Variants in PRR16 observed in about 807,000 individuals in gnomAD.
PRR16 encodes protein Largen.
In PRR16, 6 loss-of-function variants were observed where a neutral mutation model predicts 18.2. The observed-to-expected ratio is 0.33, with a 90% CI of 0.18 to 0.65. The LOEUF is 0.65. PRR16 is among the 30% of genes least tolerant of loss of function. The pLI is 0.74. For synonymous variants in PRR16, 151 were observed against 147.8 expected (o/e 1.02, Z -0.16); for missense variants, 412 against 376.6 (o/e 1.09, Z -0.78).
the PRR16 span, among the ~76,000 whole-genome samples, chr5:120,716,935 G>GGAGT: frequency 5.3e-5 from 8 of 152,090 alleles, no homozygotes. Flanking sequence ...GTAGAATGCA[G>GGAGT]GAGTGAGTGA....
chr5:120,581,585 T>C (rs900481203), intron 1 of PRR16, among the ~76,000 whole-genome samples: 4 of 152,198 alleles, frequency 2.6e-5, no homozygotes, highest in Admixed American at 6.5e-5. Flanking sequence ...TGCTCTTGCC[T>C]CTCTGGCTCT....
Position 120,464,480 on chromosome 5 carries a change from C to G in PRR16, c.-7C>G, listed in dbSNP as rs1383738432. The G allele has an allele frequency of 6.3e-7, 1 of 1,584,398 alleles. No individual in the cohort carries two copies. Among genetic ancestry groups the G allele is most frequent in the East Asian group, 2.3e-5 (1 of 44,230 alleles). On this transcript the variant is annotated 5_prime_UTR_variant, in exon 1 of 2. Coordinates refer to ENST00000407149, the MANE Select transcript of PRR16 (RefSeq NM_001300783.2). Reference sequence around the variant, plus strand: ...CTGTCCTGACCTGCCTCGCTTGCCCCCAAAGAATGTCAGCCAAGTCCAAGG... The same window carrying G: ...CTGTCCTGACCTGCCTCGCTTGCCCGCAAAGAATGTCAGCCAAGTCCAAGG...
At chr5:120,641,864 C>A in intron 1 of PRR16, among the ~76,000 whole-genome samples, 1 of 152,058 alleles carries the variant, frequency 6.6e-6, no homozygotes, top group East Asian at 1.9e-4. Context: ...ATCTGGATGT[C>A]CTTAGGACTT....
intron 1 of PRR16, among the ~76,000 whole-genome samples, chr5:120,492,022 A>C (rs933401861): frequency 6.6e-6 from 1 of 152,096 alleles, no homozygotes; most frequent in Admixed American, 6.6e-5. Context: ...TACAAAATGT[A>C]AATAGGGTTT....
chr5:120,566,344 C>T (rs999252800), intron 1 of PRR16, among the ~76,000 whole-genome samples: 1 of 152,176 alleles, frequency 6.6e-6, no homozygotes, highest in African/African-American at 2.4e-5. Context: ...CTGTGGTTTT[C>T]TGTTACAGCA....
chr5:120,491,644 A>G (rs1226354917), intron 1 of PRR16, among the ~76,000 whole-genome samples: 2 of 151,970 alleles, frequency 1.3e-5, no homozygotes, highest in Non-Finnish European at 2.9e-5. Context: ...CTCAGGTTCA[A>G]GCGATTCTCC....
Position 120,686,507 on chromosome 5 carries a change from T to C in PRR16, c.713T>C (p.Val238Ala). ...NREVHLHSEP[V>A]HPPGKIPHQG... is the part of the protein sequence containing the mutation. The stretch of plus-strand genomic sequence containing the variant: ...GAGGTCCACTTACACAGTGAACCTG[T>C]CCACCCACCGGGAAAGATTCCTCAC... Residue 238 changes from valine to alanine, a missense_variant, in exon 2 of 2, where the codon GTC (valine) becomes GCC (alanine). Coordinates refer to ENST00000407149, the MANE Select transcript of PRR16 (RefSeq NM_001300783.2). 6.2e-7 allele frequency: 1 copy of C among 1,613,832 alleles called. No individual in the cohort carries two copies. Among genetic ancestry groups the C allele is most frequent in the South Asian group, 1.1e-5 (1 of 91,062 alleles).
chr5:120,573,814 T>C (rs888970861), intron 1 of PRR16, among the ~76,000 whole-genome samples: 4 of 152,106 alleles, frequency 2.6e-5, no homozygotes, highest in African/African-American at 7.2e-5. Context: ...TTGACCTTAA[T>C]TTTTGAACCT....
intron 1 of PRR16, among the ~76,000 whole-genome samples, chr5:120,634,292 A>C (rs1004946565): frequency 6.6e-6 from 1 of 152,190 alleles, no homozygotes; most frequent in Non-Finnish European, 1.5e-5. Context: ...AAAACCTCTG[A>C]GATATAGCAA....
At chr5:120,735,625 G>A in the PRR16 span, among the ~76,000 whole-genome samples, 1 of 151,778 alleles carries the variant, frequency 6.6e-6, no homozygotes, top group Admixed American at 6.6e-5. Flanking sequence ...TTGGAGAAAT[G>A]ACTATTCAAG....
intron 1 of PRR16, among the ~76,000 whole-genome samples, chr5:120,536,629 A>G (rs1751725718): frequency 6.6e-6 from 1 of 152,178 alleles, no homozygotes; most frequent in Non-Finnish European, 1.5e-5. Flanking sequence ...AAAAGGTGTG[A>G]TATATGTTTA....
At chr5:120,498,911 T>G (rs1750350035) in intron 1 of PRR16, among the ~76,000 whole-genome samples, 1 of 152,044 alleles carries the variant, frequency 6.6e-6, no homozygotes, top group African/African-American at 2.4e-5. Context: ...TATTTTTCCC[T>G]GTAGATAATA....
Position 120,678,356 on chromosome 5 carries a change from A to T in PRR16, c.160-7598A>T, listed in dbSNP as rs539082201. ...AGGGATTAAAGATGTTGAAAATCAG[A>T]CCTAACCATGGAAAGCTGGGGTAGG... is the stretch of plus-strand genomic sequence containing the variant. On this transcript the variant is annotated intron_variant, in intron 1 of 1. Coordinates refer to ENST00000407149, the MANE Select transcript of PRR16 (RefSeq NM_001300783.2). 3.3e-5 allele frequency among the ~76,000 whole-genome samples: 5 copies of T among 152,272 alleles called. No individual in the cohort carries two copies. In the South Asian group the frequency reaches 1.0e-3, roughly 32 times the overall value.
At chr5:120,794,211 TCTGA>T in the PRR16 span, among the ~76,000 whole-genome samples, 1 of 152,116 alleles carries the variant, frequency 6.6e-6, no homozygotes, top group Non-Finnish European at 1.5e-5. Flanking sequence ...TTAAAATATA[TCTGA>T]CTGAGTATAA....
At chr5:120,629,925 T>C (rs1053241530) in intron 1 of PRR16, among the ~76,000 whole-genome samples, 10 of 152,088 alleles carry the variant, frequency 6.6e-5, no homozygotes, top group Non-Finnish European at 7.4e-5. Context: ...ATTTCATTAA[T>C]TGGCACTTTA....
intron 1 of PRR16, among the ~76,000 whole-genome samples, chr5:120,602,068 A>G (rs976335874): frequency 6.6e-6 from 1 of 152,000 alleles, no homozygotes; most frequent in Admixed American, 6.6e-5. Context: ...GTTTAATATG[A>G]ATTTTCTAAT....
At chr5:120,494,189 A>G (rs1279156092) in intron 1 of PRR16, among the ~76,000 whole-genome samples, 1 of 152,100 alleles carries the variant, frequency 6.6e-6, no homozygotes, top group East Asian at 1.9e-4. Context: ...CTTCCTCACC[A>G]GCATTTGATA....
chr5:120,546,650 A>T (rs1409109088), intron 1 of PRR16, among the ~76,000 whole-genome samples: 1 of 152,152 alleles, frequency 6.6e-6, no homozygotes, highest in East Asian at 1.9e-4. Flanking sequence ...TGTGAAGATG[A>T]ACAAGGATTC....
At chr5:120,474,676 A>C (rs763583137) in intron 1 of PRR16, among the ~76,000 whole-genome samples, 1 of 151,860 alleles carries the variant, frequency 6.6e-6, no homozygotes, top group Non-Finnish European at 1.5e-5. Flanking sequence ...CTTTAAAAAT[A>C]TGCCTTCCAA....
Sources: gnomAD v4.1 joint callset for allele counts (sites outside exome capture counted in the v4.1 genomes callset) on GRCh38, gnomAD v4.1.1 for gene constraint, MANE v1.5 for transcripts, NCBI Gene and HGNC (gene_info 2026-07-23, HGNC 2026-07-21) for gene names.